PTPRK: variants seen among roughly 807,000 people sequenced by gnomAD.
The protein encoded by PTPRK is protein tyrosine phosphatase receptor type K.
Under a neutral mutation model 178.0 loss-of-function variants are expected in PTPRK, and 75 were observed. That is an observed-to-expected ratio of 0.42 (90% CI 0.35 to 0.51). The LOEUF (loss-of-function observed/expected upper bound fraction) is 0.51, where lower values mean the gene tolerates loss of function less well. Among genes scored for constraint, PTPRK ranks in the 20% least tolerant of loss-of-function variants. The pLI, the probability that PTPRK is intolerant of heterozygous loss-of-function variation, is 0.02. For synonymous variants in PTPRK, 637 were observed against 620.6 expected (o/e 1.03, Z -0.39); for missense variants, 1,441 against 1,797.8 (o/e 0.80, Z 3.59).
chr6:128,366,930 TCAGAGGATGACTCC>T (rs1408568854), intron 2 of PTPRK, among the ~76,000 whole-genome samples: 1 of 152,118 alleles, frequency 6.6e-6, no homozygotes, highest in Non-Finnish European at 1.5e-5. Flanking sequence ...TTCTTTGGAT[TCAGAGGATGACTCC>T]AGCGTTAGAA....
intron 2 of PTPRK, among the ~76,000 whole-genome samples, chr6:128,391,514 C>T (rs1219860371): frequency 6.6e-6 from 1 of 152,134 alleles, no homozygotes; most frequent in Non-Finnish European, 1.5e-5. Flanking sequence ...TTTATTCTAC[C>T]AATCTCTGCC....
intron 15 of PTPRK, chr6:127,999,982 T>C (rs1777613708): frequency 1.1e-6 from 1 of 927,530 alleles, no homozygotes; most frequent in Non-Finnish European, 1.3e-6. Flanking sequence ...AACAAGAACA[T>C]TTTTGCCTAT....
At chr6:128,204,584 T>G (rs1383856905) in intron 6 of PTPRK, among the ~76,000 whole-genome samples, 1 of 147,670 alleles carries the variant, frequency 6.8e-6, no homozygotes, top group South Asian at 2.1e-4. Context: ...AGAAAACAAC[T>G]CCATTAAAAA....
chr6:128,497,676 C>T (rs544292894), intron 1 of PTPRK, among the ~76,000 whole-genome samples: 1 of 152,166 alleles, frequency 6.6e-6, no homozygotes, highest in South Asian at 2.1e-4. Flanking sequence ...ACCTTCTTTC[C>T]CATTATTATA....
Position 128,269,955 on chromosome 6 carries a change from A to G in PTPRK, c.496-27353T>C, listed in dbSNP as rs371795543. 4.2e-4 allele frequency among the ~76,000 whole-genome samples: 64 copies of G among 152,268 alleles called. 1 individual carries two copies. The South Asian group carries it at 0.013, about 31-fold the overall frequency. Reference sequence around the variant, plus strand: ...CTATGGAGAAAAACAAAATCAATTTAGCATTTTCTGTGACTGCAAGAAAGT... The same window carrying G: ...CTATGGAGAAAAACAAAATCAATTTGGCATTTTCTGTGACTGCAAGAAAGT... On this transcript the variant is annotated intron_variant, in intron 3 of 29. Transcript: ENST00000368226.
At chr6:128,277,320 A>G (rs1005776075) in intron 3 of PTPRK, among the ~76,000 whole-genome samples, 5 of 152,160 alleles carry the variant, frequency 3.3e-5, no homozygotes, top group African/African-American at 2.4e-5. Flanking sequence ...ATAAAATAAC[A>G]TTACTTGTAC....
chr6:128,507,310 G>C (rs1269362742), intron 1 of PTPRK, among the ~76,000 whole-genome samples: 4 of 151,966 alleles, frequency 2.6e-5, no homozygotes, highest in African/African-American at 9.7e-5. Flanking sequence ...CTTTAATTTG[G>C]CTTAGGAAAA....
intron 2 of PTPRK, among the ~76,000 whole-genome samples, chr6:128,340,309 C>A (rs551876682): frequency 6.6e-6 from 1 of 152,262 alleles, no homozygotes; most frequent in African/African-American, 2.4e-5. Context: ...AACATGGCAA[C>A]CAGACAGGGC....
intron 22 of PTPRK, among the ~76,000 whole-genome samples, chr6:127,984,641 G>T (rs1775737224): frequency 6.6e-6 from 1 of 152,140 alleles, no homozygotes; most frequent in African/African-American, 2.4e-5. Flanking sequence ...TTTTCTAAGT[G>T]CTTAGATAGG....
intron 5 of PTPRK, among the ~76,000 whole-genome samples, chr6:128,225,002 T>A (rs1317677615): frequency 2.0e-5 from 3 of 152,218 alleles, no homozygotes; most frequent in African/African-American, 4.8e-5. Flanking sequence ...TGGTTTTCTA[T>A]TACTTTCAGC....
chr6:128,507,326 C>T (rs1856518770), intron 1 of PTPRK, among the ~76,000 whole-genome samples: 2 of 152,100 alleles, frequency 1.3e-5, no homozygotes, highest in Admixed American at 6.6e-5. Flanking sequence ...GAAAAATTTA[C>T]ACTTCTCCAA....
intron 1 of PTPRK, among the ~76,000 whole-genome samples, chr6:128,484,778 T>A (rs1474176286): frequency 6.6e-6 from 1 of 152,204 alleles, no homozygotes; most frequent in East Asian, 1.9e-4. Flanking sequence ...TTTCTGCTAA[T>A]AGTGTCCTTG....
intron 2 of PTPRK, among the ~76,000 whole-genome samples, chr6:128,337,166 G>A (rs1831046787): frequency 6.6e-6 from 1 of 152,016 alleles, no homozygotes; most frequent in South Asian, 2.1e-4. Context: ...CAACTTTTTA[G>A]TTAATAAACA....
chr6:128,494,330 T>C (rs1038228729), intron 1 of PTPRK, among the ~76,000 whole-genome samples: 1 of 152,280 alleles, frequency 6.6e-6, no homozygotes, highest in Non-Finnish European at 1.5e-5. Context: ...AATGATTTAG[T>C]AGATTTTAAA....
intron 2 of PTPRK, among the ~76,000 whole-genome samples, chr6:128,346,871 C>G (rs1832499198): frequency 6.6e-6 from 1 of 152,084 alleles, no homozygotes; most frequent in Admixed American, 6.6e-5. Context: ...AAATGACAAT[C>G]TCATGCTTGC....
At chr6:128,250,379 T>C (rs765226650) in intron 3 of PTPRK, among the ~76,000 whole-genome samples, 2 of 152,188 alleles carry the variant, frequency 1.3e-5, no homozygotes, top group Non-Finnish European at 2.9e-5. Context: ...TTTCCTCTAG[T>C]AAAATATAAA....
chr6:128,105,709 C>A (rs1789609283), intron 7 of PTPRK, among the ~76,000 whole-genome samples: 1 of 152,152 alleles, frequency 6.6e-6, no homozygotes, highest in African/African-American at 2.4e-5. Context: ...AATTCATAAA[C>A]AACTGATTTT....
intron 3 of PTPRK, among the ~76,000 whole-genome samples, chr6:128,284,403 C>G (rs771494643): frequency 3.3e-5 from 5 of 152,210 alleles, no homozygotes; most frequent in Non-Finnish European, 7.3e-5. Flanking sequence ...TCACATGATA[C>G]TTTTCACATA....
chr6:128,230,008 A>AC (rs1329234126), intron 5 of PTPRK, among the ~76,000 whole-genome samples: 1 of 152,186 alleles, frequency 6.6e-6, no homozygotes, highest in Non-Finnish European at 1.5e-5. Context: ...ACAGTTTTCT[A>AC]CCCCCAGGAA....
Sources: allele counts gnomAD v4.1 joint callset (sites outside exome capture counted in the v4.1 genomes callset), GRCh38; gene constraint gnomAD v4.1.1; transcripts MANE v1.5; gene names NCBI Gene and HGNC (gene_info 2026-07-23, HGNC 2026-07-21).